Variants in USP30 observed in about 807,000 individuals in gnomAD.
The protein encoded by USP30 is ubiquitin carboxyl-terminal hydrolase 30.
In USP30, 41 loss-of-function variants were observed where a neutral mutation model predicts 68.2. That is an observed-to-expected ratio of 0.60 (90% CI 0.47 to 0.78). The LOEUF (loss-of-function observed/expected upper bound fraction) is 0.78. USP30 is among the 30% of genes least tolerant of loss of function. The probability of loss-of-function intolerance (pLI) is 0.00; values close to 1 mark genes in which losing one functional copy is unlikely to be tolerated. For missense variants in USP30, 522 were observed against 649.4 expected, an observed-to-expected ratio of 0.80 and a Z score of 2.13; for synonymous variants, 229 against 253.7, an observed-to-expected ratio of 0.90 and a Z score of 0.93.
intron 3 of USP30, among the ~76,000 whole-genome samples, chr12:109,036,888 T>C (rs2040524894): frequency 6.6e-6 from 1 of 152,222 alleles, no homozygotes; most frequent in Non-Finnish European, 1.5e-5. Flanking sequence ...TTAAATAGAA[T>C]GTGTCTAGAT....
At chr12:109,044,084 C>T (rs1335727488) in intron 3 of USP30, among the ~76,000 whole-genome samples, 1 of 152,132 alleles carries the variant, frequency 6.6e-6, no homozygotes, top group Non-Finnish European at 1.5e-5. Flanking sequence ...ACCTTGAGGA[C>T]ATTATGCTAA....
Position 109,059,893 on chromosome 12 carries a change from C to T in USP30, c.376+1785C>T, listed in dbSNP as rs542062461. The T allele has an allele frequency of 2.0e-5, 3 of 152,278 alleles. No homozygotes were observed. In the East Asian group the frequency reaches 5.8e-4, roughly 29 times the overall value. 9.4% of individuals were successfully genotyped at this position (152,278 alleles called of 1,614,324 possible). On this transcript the variant is annotated intron_variant, in intron 3 of 12. Transcript: ENST00000257548. Reference sequence around the variant, plus strand: ...CTGCTGACATTCCATGGGTATTATACAGAGTGCAATGTATGCACAAAGATC... The same window carrying T: ...CTGCTGACATTCCATGGGTATTATATAGAGTGCAATGTATGCACAAAGATC...
At chr12:109,026,731 G>A (rs1289967525) in intron 2 of USP30, among the ~76,000 whole-genome samples, 2 of 152,174 alleles carry the variant, frequency 1.3e-5, no homozygotes, top group African/African-American at 2.4e-5. Flanking sequence ...GCCTCCCAAA[G>A]TGTTGAGATT....
intron 7 of USP30, among the ~76,000 whole-genome samples, chr12:109,080,174 T>G (rs577242429): frequency 6.6e-6 from 1 of 152,162 alleles, no homozygotes; most frequent in Non-Finnish European, 1.5e-5. Flanking sequence ...GTATAAACTT[T>G]GGGGCTCATC....
chr12:109,083,816 T>C (rs2135832634), intron 11 of USP30, among the ~76,000 whole-genome samples: 1 of 152,160 alleles, frequency 6.6e-6, no homozygotes, highest in South Asian at 2.1e-4. Flanking sequence ...CTATTTAGGG[T>C]CCCTTACTCC....
intron 7 of USP30, among the ~76,000 whole-genome samples, chr12:109,075,122 A>C (rs986532262): frequency 6.6e-6 from 1 of 152,174 alleles, no homozygotes; most frequent in Admixed American, 6.5e-5. Flanking sequence ...TGGACATTCC[A>C]TATCTTGGCT....
chr12:109,027,838 G>C (rs1488956235), intron 3 of USP30, among the ~76,000 whole-genome samples: 2 of 152,192 alleles, frequency 1.3e-5, no homozygotes, highest in African/African-American at 4.8e-5. Context: ...CTATTGTGAA[G>C]AATGCTGCTA....
chr12:109,053,933 A>T, intron 1 of USP30: 1 of 452,366 alleles, frequency 2.2e-6, no homozygotes, highest in Non-Finnish European at 4.4e-6. Context: ...GGCATGATTC[A>T]GAGCCATGTT....
chr12:109,057,982 C>T lies in USP30; in HGVS notation c.250C>T (p.Gln84Ter), dbSNP rs757962281. ...GNTCFMNSLL[Q>*]GLSACPAFIR... is the part of the protein sequence containing the mutation. ...CACCTGCTTCATGAACTCCCTGCTA[C>T]AAGGCCTGTCTGCCTGTCCTGCTTT... Residue 84 changes from glutamine (Q) to a stop codon, truncating the protein, a stop_gained, in exon 3 of 13, where the codon CAA becomes TAA. Coordinates refer to ENST00000257548, the MANE Select transcript of USP30 (RefSeq NM_032663.5). LOFTEE classifies it high-confidence loss of function. 6.2e-7 allele frequency: 1 copy of T among 1,614,194 alleles called. No individual in the cohort carries two copies. The highest frequency in any genetic ancestry group is 1.1e-5 in the South Asian group (1 of 91,088).
intron 1 of USP30, among the ~76,000 whole-genome samples, chr12:109,055,294 A>G (rs1030688088): frequency 6.8e-6 from 1 of 146,734 alleles, no homozygotes; most frequent in Non-Finnish European, 1.5e-5. Context: ...ATATTCTAAA[A>G]GAGAAATTCA....
upstream of USP30, among the ~76,000 whole-genome samples, chr12:109,051,908 T>C (rs553418745): frequency 9.6e-4 from 146 of 152,196 alleles, 1 homozygote; most frequent in African/African-American, 2.7e-3. Context: ...TACTGGAAAA[T>C]GTAAAATTAC....
chr12:109,035,575 G>A (rs2040512742), intron 3 of USP30, among the ~76,000 whole-genome samples: 1 of 152,088 alleles, frequency 6.6e-6, no homozygotes, highest in Non-Finnish European at 1.5e-5. Flanking sequence ...TGTTGGCCAG[G>A]ATGGTCTTGA....
intron 3 of USP30, among the ~76,000 whole-genome samples, chr12:109,042,261 T>C (rs1410669500): frequency 6.6e-6 from 1 of 152,108 alleles, no homozygotes; most frequent in Non-Finnish European, 1.5e-5. Flanking sequence ...GTTTTTCAAG[T>C]TTAAAATTAT....
chr12:109,048,836 G>A (rs528043063), upstream of USP30, among the ~76,000 whole-genome samples: 3 of 152,116 alleles, frequency 2.0e-5, no homozygotes, highest in Admixed American at 1.3e-4. Context: ...TCCTTGCTTG[G>A]CATGACCTTA....
upstream of USP30, among the ~76,000 whole-genome samples, chr12:109,050,017 G>A (rs11067292): frequency 0.44 from 67,378 of 151,502 alleles, 16,630 homozygotes; most frequent in East Asian, 0.68. Context: ...TATGCCGGGC[G>A]GGGCACGGTG....
At chr12:109,059,397 T>C (rs1188616428) in intron 3 of USP30, among the ~76,000 whole-genome samples, 2 of 152,228 alleles carry the variant, frequency 1.3e-5, no homozygotes, top group Non-Finnish European at 2.9e-5. Context: ...GGTCTTACTA[T>C]GTTGGCCAGG....
intron 3 of USP30, among the ~76,000 whole-genome samples, chr12:109,043,135 T>C (rs2135674737): frequency 6.6e-6 from 1 of 152,294 alleles, no homozygotes; most frequent in East Asian, 1.9e-4. Flanking sequence ...GTCCATGGAT[T>C]GGAAGAATTA....
intron 3 of USP30, chr12:109,060,201 A>G (rs1398798100): frequency 6.6e-6 from 1 of 152,228 alleles, no homozygotes; most frequent in African/African-American, 2.4e-5. Context: ...ATTTGACTTC[A>G]TCAAGGTAGG....
At chr12:109,053,226 G>GC (rs2040729182) in intron 1 of USP30, among the ~76,000 whole-genome samples, 1 of 152,118 alleles carries the variant, frequency 6.6e-6, no homozygotes, top group African/African-American at 2.4e-5. Flanking sequence ...GGGCCTGCGA[G>GC]CCCCGCGTTT....
Sources: allele counts gnomAD v4.1 joint callset (sites outside exome capture counted in the v4.1 genomes callset), GRCh38; gene constraint gnomAD v4.1.1; transcripts MANE v1.5; gene names NCBI Gene and HGNC (gene_info 2026-07-23, HGNC 2026-07-21).